FAM184B: variants seen among roughly 807,000 people sequenced by gnomAD.
FAM184B encodes family with sequence similarity 184 member B.
In FAM184B, 111 loss-of-function variants were observed where a neutral mutation model predicts 135.9. The observed-to-expected ratio is 0.82, with a 90% CI of 0.70 to 0.96. The LOEUF (loss-of-function observed/expected upper bound fraction) is 0.96, where lower values mean the gene tolerates loss of function less well. FAM184B is among the 40% of genes least tolerant of loss of function. The probability of loss-of-function intolerance (pLI) is 0.00; values close to 1 mark genes in which losing one functional copy is unlikely to be tolerated. For missense variants in FAM184B, 1,375 were observed against 1,323.9 expected (o/e 1.04, Z -0.60); for synonymous variants, 552 against 524.8 (o/e 1.05, Z -0.71).
At position 17,705,098 on chromosome 4, in the gene FAM184B, G is replaced by A. The variant is rs1717076816; in HGVS notation, c.1279C>T (p.Gln427Ter). 4 of 1,551,658 alleles carry A rather than the reference G, an allele frequency of 2.6e-6. No individual in the cohort carries two copies. The highest frequency in any genetic ancestry group is 1.7e-4 in the Middle Eastern group (1 of 5,992). ...TEEEKKHLKD[Q>*]LVKRLEDLVK... ...AAGTCTTCTAGTCGCTTCACTAGCTGGTCTTTGAGATGTTTCTTCTCCTCT... is the reference window on the plus strand; with the variant it reads ...AAGTCTTCTAGTCGCTTCACTAGCTAGTCTTTGAGATGTTTCTTCTCCTCT... Residue 427 changes from glutamine to a stop codon, truncating the protein, a stop_gained, in exon 5 of 18, where the codon CAG becomes TAG. Transcript: ENST00000265018. LOFTEE classifies it high-confidence loss of function.
rs543017711 is a variant in FAM184B, at chr4:17,676,215, C to G, written c.1597-11556G>C. ...CTAGTATTGTTAATTGGCCTAACTG[C>G]AATATTGTTGTGTTTCAGCGAATAG... On this transcript the variant is annotated intron_variant, in intron 7 of 17. Coordinates refer to ENST00000265018, the MANE Select transcript of FAM184B (RefSeq NM_015688.2). Among the ~76,000 whole-genome samples the G allele has an allele frequency of 2.0e-5, 3 of 152,218 alleles. No homozygotes were observed. In the East Asian group the frequency reaches 5.8e-4, roughly 29 times the overall value.
intron 1 of FAM184B, among the ~76,000 whole-genome samples, chr4:17,765,584 C>T (rs1465452626): frequency 6.6e-6 from 1 of 152,184 alleles, no homozygotes; most frequent in African/African-American, 2.4e-5. Flanking sequence ...ACAGTAGAAG[C>T]TCTTTGGCCA....
chr4:17,764,610 T>C (rs1019671650), intron 1 of FAM184B, among the ~76,000 whole-genome samples: 6 of 152,198 alleles, frequency 3.9e-5, no homozygotes, highest in Non-Finnish European at 7.4e-5. Context: ...CTCAAAAGTT[T>C]AACAGCGAAA....
At chr4:17,727,681 T>A (rs959531156) in intron 1 of FAM184B, among the ~76,000 whole-genome samples, 2 of 152,114 alleles carry the variant, frequency 1.3e-5, no homozygotes, top group African/African-American at 4.8e-5. Context: ...ACAGAACTCA[T>A]GAGAACTCAC....
At chr4:17,702,348 C>T (rs1717007614) in intron 5 of FAM184B, among the ~76,000 whole-genome samples, 1 of 152,110 alleles carries the variant, frequency 6.6e-6, no homozygotes, top group Non-Finnish European at 1.5e-5. Context: ...TATGCAAATG[C>T]TAATTATAGG....
In FAM184B at chr4:17,636,547, T is replaced by C. The variant is rs879121604; in HGVS notation, c.2765A>G (p.Asp922Gly). 2 of 1,550,956 alleles carry C rather than the reference T, an allele frequency of 1.3e-6. No homozygotes were observed. Among genetic ancestry groups the C allele is most frequent in the Middle Eastern group, 3.3e-4 (2 of 5,990 alleles). ...RLQTRLKERE[D>G]IIKQLTEERR... Reference sequence around the variant, plus strand: ...CCTCACCGTGAGCTGCTTGATGATGTCCTCTCTCTCCTTCAGGCGGGTCTG... The same window carrying C: ...CCTCACCGTGAGCTGCTTGATGATGCCCTCTCTCTCCTTCAGGCGGGTCTG... The change falls in exon 15 of 18, where the codon GAC (aspartate) becomes GGC (glycine). Residue 922 changes from aspartate (D) to glycine (G), a missense_variant. By Grantham distance (94) the Asp-to-Gly change is moderately conservative. Coordinates refer to ENST00000265018, the MANE Select transcript of FAM184B (RefSeq NM_015688.2).
intron 5 of FAM184B, among the ~76,000 whole-genome samples, chr4:17,696,151 G>A (rs1716851344): frequency 6.6e-6 from 1 of 152,188 alleles, no homozygotes; most frequent in African/African-American, 2.4e-5. Context: ...TGTGAAAGCA[G>A]TATGACTTAG....
chr4:17,674,733 TATTTTAACAATGCTCA>T (rs1716273294), intron 7 of FAM184B, among the ~76,000 whole-genome samples: 1 of 152,222 alleles, frequency 6.6e-6, no homozygotes, highest in African/African-American at 2.4e-5. Flanking sequence ...CCTTTCTTGT[TATTTTAACAATGCTCA>T]CAGAAGTCTC....
chr4:17,748,103 G>GAAAAAAAAA (rs58795222), intron 1 of FAM184B, among the ~76,000 whole-genome samples: 8 of 70,338 alleles, frequency 1.1e-4, no homozygotes, highest in African/African-American at 3.6e-4. Context: ...GACTCCGTCT[G>GAAAAAAAAA]AAAAAAAAAA....
At chr4:17,696,484 T>C (rs1448192826) in intron 5 of FAM184B, among the ~76,000 whole-genome samples, 1 of 152,180 alleles carries the variant, frequency 6.6e-6, no homozygotes, top group Non-Finnish European at 1.5e-5. Context: ...GAAAGTACTC[T>C]TCATCAAGAT....
intron 1 of FAM184B, among the ~76,000 whole-genome samples, chr4:17,725,464 GAC>G (rs1717619081): frequency 6.6e-6 from 1 of 152,138 alleles, no homozygotes; most frequent in Admixed American, 6.5e-5. Context: ...CTCTTTCACA[GAC>G]ACATCTAGTA....
intron 11 of FAM184B, 92 bp downstream of exon 11, chr4:17,652,738 C>T (rs1455910429): frequency 4.9e-6 from 7 of 1,429,652 alleles, no homozygotes; most frequent in Admixed American, 2.2e-5. Context: ...AGCCCGAGAA[C>T]CCTGGAGCCC....
intron 1 of FAM184B, among the ~76,000 whole-genome samples, chr4:17,772,590 G>C (rs531403900): frequency 1.6e-4 from 25 of 152,222 alleles, no homozygotes; most frequent in Non-Finnish European, 3.4e-4. Flanking sequence ...ATTCCTCAAA[G>C]CTAGACTCAT....
intron 1 of FAM184B, among the ~76,000 whole-genome samples, chr4:17,754,854 T>C (rs1006641882): frequency 2.6e-5 from 4 of 151,942 alleles, no homozygotes; most frequent in Admixed American, 6.6e-5. Flanking sequence ...AGATAGGAAA[T>C]CAATAAAATA....
intron 1 of FAM184B, among the ~76,000 whole-genome samples, chr4:17,710,698 G>A (rs1038867208): frequency 3.3e-5 from 5 of 152,190 alleles, no homozygotes; most frequent in African/African-American, 1.2e-4. Context: ...TTTCTTTGCT[G>A]TGTGAAGAAC....
chr4:17,700,226 C>G (rs1486909928), intron 5 of FAM184B, among the ~76,000 whole-genome samples: 1 of 152,036 alleles, frequency 6.6e-6, no homozygotes, highest in Non-Finnish European at 1.5e-5. Flanking sequence ...CTGAATGTCC[C>G]CTAAAAGGCG....
chr4:17,678,307 C>A (rs539490228), intron 7 of FAM184B, among the ~76,000 whole-genome samples: 27 of 152,246 alleles, frequency 1.8e-4, no homozygotes, highest in Non-Finnish European at 3.2e-4. Context: ...AGAACTGATA[C>A]ATGAATTCAG....
chr4:17,651,447 A>T (rs1251844642), intron 11 of FAM184B, among the ~76,000 whole-genome samples: 2 of 146,316 alleles, frequency 1.4e-5, no homozygotes, highest in Non-Finnish European at 3.0e-5. Context: ...CTGAGGCAGG[A>T]GAATGGTGTG....
At chr4:17,734,899 C>T (rs1717871962) in intron 1 of FAM184B, among the ~76,000 whole-genome samples, 2 of 152,196 alleles carry the variant, frequency 1.3e-5, no homozygotes, top group East Asian at 1.9e-4. Flanking sequence ...TACTGCAGCA[C>T]TATTCACAAT....
Sources: gnomAD v4.1 joint callset for allele counts (sites outside exome capture counted in the v4.1 genomes callset) on GRCh38, gnomAD v4.1.1 for gene constraint, MANE v1.5 for transcripts, NCBI Gene and HGNC (gene_info 2026-07-23, HGNC 2026-07-21) for gene names.